The following MTHFD1L variants were observed in gnomAD, a reference collection of about 807,000 sequenced individuals.
The protein encoded by MTHFD1L is methylenetetrahydrofolate dehydrogenase (NADP+ dependent) 1 like.
A neutral mutation model predicts 119.5 loss-of-function variants in MTHFD1L; 81 were observed. The ratio of observed to expected loss-of-function variants is 0.68; its 90% CI spans 0.57 to 0.82. The LOEUF (loss-of-function observed/expected upper bound fraction) is 0.82, where lower values mean the gene tolerates loss of function less well. MTHFD1L is among the 40% of genes least tolerant of loss of function. The probability of loss-of-function intolerance (pLI) is 0.00; values close to 1 mark genes in which losing one functional copy is unlikely to be tolerated. For synonymous variants in MTHFD1L, 430 were observed against 475.2 expected (o/e 0.90, Z 1.24); for missense variants, 1,125 against 1,253.4 (o/e 0.90, Z 1.55).
intron 17 of MTHFD1L, among the ~76,000 whole-genome samples, chr6:150,956,326 G>A (rs1341425891): frequency 6.6e-6 from 1 of 152,114 alleles, no homozygotes; most frequent in Non-Finnish European, 1.5e-5. Context: ...TTTCCAGGAA[G>A]AGCCACTCAG....
At chr6:150,955,607 C>T (rs1423043554) in intron 16 of MTHFD1L, among the ~76,000 whole-genome samples, 1 of 149,390 alleles carries the variant, frequency 6.7e-6, no homozygotes, top group African/African-American at 2.5e-5. Context: ...TCAAGTAATT[C>T]TCCTGCCTCA....
At chr6:150,952,730 G>A (rs112588715) in intron 16 of MTHFD1L, among the ~76,000 whole-genome samples, 5,706 of 152,068 alleles carry the variant, frequency 0.038, 144 homozygotes, top group Non-Finnish European at 0.055. Flanking sequence ...GGGTTTCATC[G>A]TGTTGGCCAG....
At chr6:151,094,453 C>A (rs1462206198) in intron 27 of MTHFD1L, among the ~76,000 whole-genome samples, 1 of 152,216 alleles carries the variant, frequency 6.6e-6, no homozygotes, top group Non-Finnish European at 1.5e-5. Context: ...ACCTCCGCCT[C>A]CCGGGTTCAA....
At position 151,101,015 on chromosome 6, in the gene MTHFD1L, C is replaced by T. The variant is rs540187131; in HGVS notation, c.*32-511C>T. Among the ~76,000 whole-genome samples the T allele has an allele frequency of 2.3e-3, 350 of 152,002 alleles. 3 individuals carry two copies. Among genetic ancestry groups the T allele is most frequent in the African/African-American group, 8.0e-3 (331 of 41,462 alleles). On this transcript the variant is annotated intron_variant, in intron 27 of 27. Transcript: ENST00000367321. ...CTTTACTAAAAATACAAAAATTAGC[C>T]GGGCATGGTGGTGCACACTTGTAAT...
Position 150,876,160 on chromosome 6 carries a change from C to T in MTHFD1L, c.298C>T (p.Leu100Phe). ...QEKNPAFKPV[L>F]AIIQAGDDNL... is the part of the protein sequence containing the mutation. ...AAAAAACCCTGCCTTCAAGCCGGTT[C>T]TTGCAATTATCCAGGTAAGCCGAGA... is the stretch of plus-strand genomic sequence containing the variant. Residue 100 changes from leucine to phenylalanine, a missense_variant, in exon 2 of 28, where the codon CTT becomes TTT. Physicochemically the swap from Leu to Phe is conservative, Grantham distance 22. Around this residue, in one of 3 missense-constraint regions of MTHFD1L, gnomAD observed 1,058 missense variants for 1,151.2 expected, o/e 0.92. Transcript: ENST00000367321. The T allele has an allele frequency of 6.3e-7, 1 of 1,594,952 alleles. No individual in the cohort carries two copies. The highest frequency in any genetic ancestry group is 8.5e-7 in the Non-Finnish European group (1 of 1,171,370).
intron 26 of MTHFD1L, among the ~76,000 whole-genome samples, chr6:151,065,099 C>T (rs1224445165): frequency 1.3e-5 from 2 of 152,188 alleles, no homozygotes; most frequent in African/African-American, 2.4e-5. Flanking sequence ...CCACCATGCC[C>T]GGCCACTATT....
intron 24 of MTHFD1L, among the ~76,000 whole-genome samples, chr6:151,015,956 G>A (rs983125479): frequency 1.3e-5 from 2 of 152,058 alleles, no homozygotes; most frequent in Non-Finnish European, 2.9e-5. Context: ...GCATGGTGGC[G>A]TGCACCTATA....
intron 4 of MTHFD1L, among the ~76,000 whole-genome samples, chr6:150,881,170 T>C (rs1781338717): frequency 6.6e-6 from 1 of 152,222 alleles, no homozygotes; most frequent in Non-Finnish European, 1.5e-5. Context: ...TCCAGACCAA[T>C]GTCATGAAGC....
At chr6:150,945,563 C>T (rs377067366) in intron 15 of MTHFD1L, 22 bp downstream of exon 15, 15 of 1,602,374 alleles carry the variant, frequency 9.4e-6, no homozygotes, top group Non-Finnish European at 1.2e-5. Context: ...GTTAGCAATT[C>T]TTTAAAAAGA....
intron 12 of MTHFD1L, among the ~76,000 whole-genome samples, chr6:150,937,909 A>G (rs1792391962): frequency 6.6e-6 from 1 of 152,198 alleles, no homozygotes; most frequent in South Asian, 2.1e-4. Context: ...CTAACAACCA[A>G]CATTTTGAGG....
At chr6:151,002,907 C>A (rs913360237) in intron 20 of MTHFD1L, among the ~76,000 whole-genome samples, 6 of 152,128 alleles carry the variant, frequency 3.9e-5, no homozygotes, top group African/African-American at 1.4e-4. Context: ...GGGGGAGGGT[C>A]CCAGCTGTCC....
intron 26 of MTHFD1L, among the ~76,000 whole-genome samples, chr6:151,038,835 G>T (rs1424853395): frequency 6.6e-6 from 1 of 152,140 alleles, no homozygotes; most frequent in Non-Finnish European, 1.5e-5. Context: ...TTCTAGCTTG[G>T]TGACTCTGGC....
At chr6:151,091,301 G>A (rs969561257) in intron 26 of MTHFD1L, among the ~76,000 whole-genome samples, 16 of 151,568 alleles carry the variant, frequency 1.1e-4, no homozygotes, top group Non-Finnish European at 2.4e-4. Flanking sequence ...TTGCTCCATG[G>A]GCATGGTTTG....
intron 11 of MTHFD1L, among the ~76,000 whole-genome samples, chr6:150,930,455 T>C (rs1790845433): frequency 6.6e-6 from 1 of 152,190 alleles, no homozygotes; most frequent in South Asian, 2.1e-4. Flanking sequence ...TATTTCCTTT[T>C]TCTAAAAGTC....
chr6:150,899,455 AATTGTCATC>A (rs1784774551), intron 7 of MTHFD1L, among the ~76,000 whole-genome samples: 1 of 152,228 alleles, frequency 6.6e-6, no homozygotes, highest in African/African-American at 2.4e-5. Context: ...CTTTTGCTGC[AATTGTCATC>A]CCCTTATCTT....
chr6:150,974,588 T>G (rs568060088), intron 20 of MTHFD1L, among the ~76,000 whole-genome samples: 2 of 149,082 alleles, frequency 1.3e-5, no homozygotes, highest in East Asian at 4.3e-4. Context: ...CTACTTTCTG[T>G]CTCAATGAAG....
rs528328006 is a variant in MTHFD1L, at chr6:150,895,475, G to A, written c.780+7494G>A. ...GAAATAACCTAGAAATCAGAGAACC[G>A]TTTTATTTTGTTTTTCTCAGAGGAT... On this transcript the variant is annotated intron_variant, in intron 7 of 27. Transcript: ENST00000367321. Among the ~76,000 whole-genome samples, 92 of 152,174 alleles carry A rather than the reference G, an allele frequency of 6.0e-4. 1 individual carries two copies. The highest frequency in any genetic ancestry group is 1.9e-3 in the African/African-American group (80 of 41,522).
intron 24 of MTHFD1L, among the ~76,000 whole-genome samples, chr6:151,016,205 G>T (rs1041854530): frequency 6.6e-6 from 1 of 152,180 alleles, no homozygotes; most frequent in Non-Finnish European, 1.5e-5. Context: ...CTCCCAAATC[G>T]CAGTCCTAAG....
intron 18 of MTHFD1L, among the ~76,000 whole-genome samples, chr6:150,961,089 CTTTT>C (rs35978918): frequency 1.3e-4 from 15 of 113,398 alleles, no homozygotes; most frequent in South Asian, 6.2e-4. Context: ...TTCCTGTTAA[CTTTT>C]TTTTTTTTTT....
Sources: gnomAD v4.1 joint callset for allele counts (sites outside exome capture counted in the v4.1 genomes callset) on GRCh38, gnomAD v4.1.1 for gene constraint, gnomAD v4.1.1 regional missense constraint, MANE v1.5 for transcripts, NCBI Gene and HGNC (gene_info 2026-07-23, HGNC 2026-07-21) for gene names.